Variants in SETX observed in about 807,000 individuals in gnomAD.
SETX encodes the protein helicase senataxin.
A neutral mutation model predicts 227.2 loss-of-function variants in SETX; 90 were observed. The observed-to-expected ratio is 0.40, with a 90% CI of 0.33 to 0.47. The LOEUF (loss-of-function observed/expected upper bound fraction) is 0.47, where lower values mean the gene tolerates loss of function less well. Among genes scored for constraint, SETX ranks in the 20% least tolerant of loss-of-function variants. The probability of loss-of-function intolerance (pLI) is 0.91; values close to 1 mark genes in which losing one functional copy is unlikely to be tolerated. For synonymous variants in SETX, 1,210 were observed against 1,113.2 expected, an observed-to-expected ratio of 1.09 and a Z score of -1.73; for missense variants, 3,052 against 3,181.5, an observed-to-expected ratio of 0.96 and a Z score of 0.98.
intron 4 of SETX, among the ~76,000 whole-genome samples, chr9:132,344,726 T>C (rs1417162424): frequency 6.6e-6 from 1 of 152,016 alleles, no homozygotes; most frequent in African/African-American, 2.4e-5. Context: ...ATACAAAAAA[T>C]TAGCCAGGTG....
rs1847021284 is a variant in SETX at position 132,328,762 on chromosome 9, T to C, written c.2836A>G (p.Ile946Val). 4 of 1,611,688 alleles carry C rather than the reference T, an allele frequency of 2.5e-6. No homozygotes were observed. The highest frequency in any genetic ancestry group is 2.5e-6 in the Non-Finnish European group (3 of 1,179,124). ...SNLTREQAPD[I>V]SPKSDTLTDS... ...GTTAAGGTGTCAGATTTAGGACTGA[T>C]GTCAGGGGCCTGTTCTCTTGTCAAG... Residue 946 changes from isoleucine (I) to valine (V), a missense_variant, in exon 10 of 26, where the codon ATC becomes GTC. Transcript: ENST00000224140.
intron 10 of SETX, among the ~76,000 whole-genome samples, chr9:132,324,924 G>T (rs1005729479): frequency 3.9e-5 from 6 of 152,154 alleles, no homozygotes; most frequent in Admixed American, 2.6e-4. Flanking sequence ...TTACACTAAA[G>T]AATTATTTGA....
At chr9:132,274,906 G>A (rs1477518130) in intron 23 of SETX, 2 of 251,896 alleles carry the variant, frequency 7.9e-6, no homozygotes, top group African/African-American at 2.2e-5. Context: ...TATACATAAA[G>A]GCAATACAAG....
intron 5 of SETX, among the ~76,000 whole-genome samples, chr9:132,341,346 A>C (rs900082752): frequency 6.6e-6 from 1 of 152,198 alleles, no homozygotes; most frequent in Non-Finnish European, 1.5e-5. Context: ...GAAAGGACCA[A>C]CAGTGCTGGT....
At chr9:132,268,730 A>G (rs1842762420) in intron 25 of SETX, among the ~76,000 whole-genome samples, 1 of 152,260 alleles carries the variant, frequency 6.6e-6, no homozygotes, top group Non-Finnish European at 1.5e-5. Flanking sequence ...CAATATTGAT[A>G]ATACATCAGA....
intron 20 of SETX, among the ~76,000 whole-genome samples, 180 bp from the exon 21 acceptor site, chr9:132,278,437 CTTTTTTTTTTTTTTTTTTTTT>C (rs67558000): frequency 1.3e-4 from 11 of 84,864 alleles, no homozygotes; most frequent in East Asian, 2.7e-4. Context: ...TGCCATGAAT[CTTTTTTTTTTTTTTTTTTTTT>C]TTTTTTTTTT....
At chr9:132,348,941 AAAAC>A (rs1848460111) in intron 3 of SETX, among the ~76,000 whole-genome samples, 1 of 152,158 alleles carries the variant, frequency 6.6e-6, no homozygotes, top group Non-Finnish European at 1.5e-5. Context: ...AAAACATAGC[AAAAC>A]AAACTATGAA....
At chr9:132,300,550 T>C (rs945142312) in intron 12 of SETX, 80 bp downstream of exon 12, 1 of 1,438,004 alleles carries the variant, frequency 7.0e-7, no homozygotes, top group Non-Finnish European at 9.8e-7. Context: ...TCAAATACAC[T>C]TGATATACAC....
chr9:132,305,569 A>G (rs1413485877), intron 11 of SETX, among the ~76,000 whole-genome samples: 2 of 152,166 alleles, frequency 1.3e-5, no homozygotes, highest in African/African-American at 4.8e-5. Flanking sequence ...GTACCTCCCA[A>G]TCTGACAGAC....
At chr9:132,323,592 G>A (rs907710359) in intron 10 of SETX, among the ~76,000 whole-genome samples, 3 of 152,056 alleles carry the variant, frequency 2.0e-5, no homozygotes, top group African/African-American at 4.8e-5. Flanking sequence ...TTACAATATG[G>A]ACATGTTATT....
chr9:132,342,081 T>G lies in SETX; in HGVS notation c.498+609A>C, dbSNP rs951219413. Among the ~76,000 whole-genome samples, 8 of 152,236 alleles carry G rather than the reference T, an allele frequency of 5.3e-5. No homozygotes were observed. In the East Asian group the frequency reaches 1.4e-3, roughly 26 times the overall value. ...TTTTTCTTGCCTTACATTGGCAGAG[T>G]AGCCCTTCCTGGCTACTGGCTTAAT... On this transcript the variant is annotated intron_variant, in intron 5 of 25. Transcript: ENST00000224140.
At chr9:132,348,945 C>G (rs150463393) in intron 3 of SETX, among the ~76,000 whole-genome samples, 1 of 152,026 alleles carries the variant, frequency 6.6e-6, no homozygotes, top group East Asian at 1.9e-4. Context: ...CATAGCAAAA[C>G]AAACTATGAA....
chr9:132,318,897 T>C (rs1286577257), intron 10 of SETX, among the ~76,000 whole-genome samples: 3 of 152,154 alleles, frequency 2.0e-5, no homozygotes, highest in Non-Finnish European at 2.9e-5. Context: ...GGAATTCTAG[T>C]CTGCTCTACT....
intron 10 of SETX, among the ~76,000 whole-genome samples, chr9:132,312,129 A>C (rs1019778500): frequency 3.3e-5 from 5 of 152,244 alleles, no homozygotes; most frequent in Non-Finnish European, 7.3e-5. Flanking sequence ...AGTGCTCAAC[A>C]GCCACCTGTG....
chr9:132,264,720 A>C lies in SETX; in HGVS notation c.7553T>G (p.Ile2518Ser), dbSNP rs1259380303. 6.2e-7 allele frequency: 1 copy of C among 1,614,186 alleles called. No individual in the cohort carries two copies. Among genetic ancestry groups the C allele is most frequent in the Non-Finnish European group, 8.5e-7 (1 of 1,180,042 alleles). ...GTCCTTTGAAGTAACAGTAAGAGTAATTTCCTTGGAGTCAGAGGGTGTGTG... is the reference window on the plus strand; with the variant it reads ...GTCCTTTGAAGTAACAGTAAGAGTACTTTCCTTGGAGTCAGAGGGTGTGTG... ...LYHTPSDSKEITLTVTSKDPE... is the reference protein window; with the variant it reads ...LYHTPSDSKESTLTVTSKDPE... The change falls in exon 26 of 26, where the codon ATT becomes AGT. Residue 2518 changes from isoleucine (I) to serine (S), a missense_variant. Ile to Ser is a moderately radical substitution (Grantham distance 142). Transcript: ENST00000224140.
intron 23 of SETX, among the ~76,000 whole-genome samples, chr9:132,274,609 T>C (rs1000753014): frequency 1.8e-4 from 27 of 151,446 alleles, no homozygotes; most frequent in South Asian, 6.3e-4. Flanking sequence ...GCCTGGCTAA[T>C]TTTTGTATTT....
rs1031376591 is a variant in SETX, at chr9:132,269,342, G to A, written c.7287+273C>T. 4 of 1,271,410 alleles carry A rather than the reference G, an allele frequency of 3.1e-6. No homozygotes were observed. In the South Asian group the frequency reaches 5.2e-5, roughly 16 times the overall value. 78.8% of individuals were successfully genotyped at this position (1,271,410 alleles called of 1,614,324 possible). Reference sequence around the variant, plus strand: ...TTGCTTTGGCACTTTACATCTGTGGGTTTAATATACCTTCTTAACAATAAT... The same window carrying A: ...TTGCTTTGGCACTTTACATCTGTGGATTTAATATACCTTCTTAACAATAAT... On this transcript the variant is annotated intron_variant, in intron 25 of 25. Transcript: ENST00000224140.
chr9:132,290,622 C>T (rs1318467408), intron 15 of SETX, among the ~76,000 whole-genome samples: 1 of 148,324 alleles, frequency 6.7e-6, no homozygotes, highest in Non-Finnish European at 1.5e-5. Flanking sequence ...CAGCCAGGTG[C>T]AGCGGCTCAG....
intron 10 of SETX, among the ~76,000 whole-genome samples, chr9:132,313,215 A>C (rs1357073927): frequency 2.6e-5 from 4 of 152,214 alleles, no homozygotes; most frequent in Non-Finnish European, 4.4e-5. Flanking sequence ...ACACCTTAAA[A>C]GGGTATATTT....
Sources: allele counts gnomAD v4.1 joint callset (sites outside exome capture counted in the v4.1 genomes callset), GRCh38; gene constraint gnomAD v4.1.1; transcripts MANE v1.5; gene names NCBI Gene and HGNC (gene_info 2026-07-23, HGNC 2026-07-21).